The following SGCA variants were observed in gnomAD, a reference collection of about 807,000 sequenced individuals.
SGCA encodes alpha-sarcoglycan.
SGCA carries 34 observed loss-of-function variants against 38.1 expected under a neutral mutation model. That is an observed-to-expected ratio of 0.89 (90% CI 0.68 to 1.19). The LOEUF is 1.19. Among genes scored for constraint, SGCA ranks in the 50% most tolerant of loss-of-function variants. SGCA has a pLI of 0.00. For missense variants in SGCA, 476 were observed against 524.9 expected, an observed-to-expected ratio of 0.91 and a Z score of 0.91; for synonymous variants, 209 against 214.6, an observed-to-expected ratio of 0.97 and a Z score of 0.23.
rs1241612433 is a variant in SGCA, at chr17:50,170,126, C to T, written c.748-17C>T. On this transcript the variant is annotated splice_polypyrimidine_tract_variant and intron_variant, in intron 6 of 9. Transcript: ENST00000262018. ...CAGCCAGCCACTTCCTGCGTCAGCCCTGAGCTCTCTGTGCAGGTGGATAAG... is the reference window on the plus strand; with the variant it reads ...CAGCCAGCCACTTCCTGCGTCAGCCTTGAGCTCTCTGTGCAGGTGGATAAG... 12 of 1,612,358 alleles carry T rather than the reference C, an allele frequency of 7.4e-6. No homozygotes were observed. The highest frequency in any genetic ancestry group is 9.3e-6 in the Non-Finnish European group (11 of 1,178,572).
At position 50,168,340 on chromosome 17, in the gene SGCA, G is replaced by A. The variant is rs931142148; in HGVS notation, c.386-34G>A. 8 of 1,539,010 alleles carry A rather than the reference G, an allele frequency of 5.2e-6. No homozygotes were observed. The African/African-American group carries it at 9.6e-5, about 18-fold the overall frequency. The stretch of plus-strand genomic sequence containing the variant: ...GCTTTGCGGGGCAGAGCTGGGGCTG[G>A]GTGCAGCCTGAGGTGTCCACCTGGC... On this transcript the variant is annotated intron_variant, in intron 4 of 9. Transcript: ENST00000262018.
Position 50,166,020 on chromosome 17 carries a change from G to T in SGCA, c.-21G>T, listed in dbSNP as rs748232461. 3.7e-6 allele frequency: 6 copies of T among 1,610,880 alleles called. No individual in the cohort carries two copies. Among genetic ancestry groups the T allele is most frequent in the Middle Eastern group, 1.7e-4 (1 of 5,828 alleles). ...TGCCCCCTGTCTCTGTCACTCACCG[G>T]GCGGGCCAGGCCGGGCAGCCATGGC... is the stretch of plus-strand genomic sequence containing the variant. On this transcript the variant is annotated 5_prime_UTR_variant, in exon 1 of 10. Coordinates refer to ENST00000262018, the MANE Select transcript of SGCA (RefSeq NM_000023.4).
rs1280191798 is a variant in SGCA, at chr17:50,166,753, ACACCCTCACACACACACCCT to A, written c.38-611_38-592del. Among the ~76,000 whole-genome samples the A allele has an allele frequency of 3.1e-3, 338 of 108,124 alleles. 4 individuals carry two copies. Among genetic ancestry groups the A allele is most frequent in the African/African-American group, 9.3e-3 (240 of 25,698 alleles). 70.9% of individuals were successfully genotyped at this position (108,124 alleles called of 152,430 possible). ...CACACACACCCTCACACACCCTCACACACCCTCACACACACACCCTCACACACCCTCACACACCCTCACAC... is the reference window on the plus strand; with the variant it reads ...CACACACACCCTCACACACCCTCACACACACACCCTCACACACCCTCACAC... On this transcript the variant is annotated intron_variant, in intron 1 of 9. Transcript: ENST00000262018.
In SGCA at chr17:50,170,476, T is replaced by G. The variant is rs1199002973; in HGVS notation, c.956+125T>G. 3.7e-6 allele frequency: 5 copies of G among 1,348,376 alleles called. No individual in the cohort carries two copies. The African/African-American group carries it at 7.3e-5, about 20-fold the overall frequency. 83.5% of individuals were successfully genotyped at this position (1,348,376 alleles called of 1,614,324 possible). On this transcript the variant is annotated intron_variant, in intron 7 of 9. Coordinates refer to ENST00000262018, the MANE Select transcript of SGCA (RefSeq NM_000023.4). Reference sequence around the variant, plus strand: ...ATGGGGTTCTCAGGCACAAAAGGAGTGTGGGGCCCCTTTCTAGGCAACTTG... The same window carrying G: ...ATGGGGTTCTCAGGCACAAAAGGAGGGTGGGGCCCCTTTCTAGGCAACTTG...
chr17:50,174,599 G>A (rs1331001243), intron 8 of SGCA, among the ~76,000 whole-genome samples: 4 of 151,910 alleles, frequency 2.6e-5, no homozygotes, highest in South Asian at 4.2e-4. Context: ...CACCCGCTTC[G>A]GCCTCCCGAA....
chr17:50,168,409 C>A lies in SGCA; in HGVS notation c.421C>A (p.Arg141Ser), dbSNP rs35130237. 1,292 of 1,589,732 alleles carry A rather than the reference C, an allele frequency of 8.1e-4. 4 individuals are homozygous for A. Among genetic ancestry groups the A allele is most frequent in the Middle Eastern group, 2.5e-3 (15 of 5,936 alleles). ...GCCATACCAAGCCGAGTTCCTGGTG[C>A]GCAGCCACGATGCGGAGGAGGTGCT... The part of the protein sequence containing the change: ...LLPYQAEFLV[R>S]SHDAEEVLPS... The change falls in exon 5 of 10, where the codon CGC (arginine) becomes AGC (serine). Residue 141 changes from arginine (R) to serine (S), a missense_variant. Coordinates refer to ENST00000262018, the MANE Select transcript of SGCA (RefSeq NM_000023.4).
intron 8 of SGCA, among the ~76,000 whole-genome samples, chr17:50,171,180 G>A (rs1407389930): frequency 3.3e-5 from 5 of 152,172 alleles, no homozygotes; most frequent in South Asian, 2.1e-4. Context: ...AGACACCTGC[G>A]GTCCAGGCCA....
In SGCA at chr17:50,174,878, C is replaced by G. The variant is rs2696289; in HGVS notation, c.984-379C>G. ...TGCGATCTCAGCTCACTGCAACCTC[C>G]GCCTCCCAGGTTCAAGTGAATCTCC... On this transcript the variant is annotated intron_variant, in intron 8 of 9. Coordinates refer to ENST00000262018, the MANE Select transcript of SGCA (RefSeq NM_000023.4). 4.6e-5 allele frequency among the ~76,000 whole-genome samples: 7 copies of G among 151,906 alleles called. No individual in the cohort carries two copies. The East Asian group carries it at 1.4e-3, about 29-fold the overall frequency.
intron 4 of SGCA, 114 bp from the exon 5 acceptor site, chr17:50,168,260 G>C: frequency 2.2e-6 from 2 of 928,008 alleles, no homozygotes; most frequent in South Asian, 2.8e-5. Context: ...GTGATGGATG[G>C]GGCATTGAGG....
Position 50,175,693 on chromosome 17 carries a change from C to G in SGCA, c.*13-19C>G, listed in dbSNP as rs749332693. Reference sequence around the variant, plus strand: ...ACCAGCATCTGGCCCTCTCAGCCCTCCACTCTCTCTTCCCACAGTGGTTCC... The same window carrying G: ...ACCAGCATCTGGCCCTCTCAGCCCTGCACTCTCTCTTCCCACAGTGGTTCC... On this transcript the variant is annotated intron_variant, in intron 9 of 9. Transcript: ENST00000262018. The G allele has an allele frequency of 1.5e-5, 10 of 659,630 alleles. No individual in the cohort carries two copies. Among genetic ancestry groups the G allele is most frequent in the Admixed American group, 2.1e-5 (1 of 48,558 alleles). 40.9% of individuals were successfully genotyped at this position (659,630 alleles called of 1,614,324 possible).
Position 50,175,783 on chromosome 17 carries a change from G to T in SGCA, c.*84G>T, listed in dbSNP as rs1456194007. Reference sequence around the variant, plus strand: ...CCACGAGTGGCACATCCCACCTGCTGATTCCAGCTCCTGGCCCTCCTGGAA... The same window carrying T: ...CCACGAGTGGCACATCCCACCTGCTTATTCCAGCTCCTGGCCCTCCTGGAA... On this transcript the variant is annotated 3_prime_UTR_variant, in exon 10 of 10. Transcript: ENST00000262018. 5.7e-6 allele frequency: 3 copies of T among 522,884 alleles called. No homozygotes were observed. The highest frequency in any genetic ancestry group is 1.1e-5 in the Non-Finnish European group (3 of 270,290). The allele number at this position is 522,884 out of a possible 1,614,324, so 32.4% of individuals were successfully genotyped here.
At chr17:50,174,498 T>C (rs1598276782) in intron 8 of SGCA, among the ~76,000 whole-genome samples, 2 of 149,424 alleles carry the variant, frequency 1.3e-5, no homozygotes, top group Admixed American at 1.3e-4. Context: ...ACAGCAGTCC[T>C]AGGAGGTAGG....
At chr17:50,166,562 T>A (rs1904818857) in intron 1 of SGCA, among the ~76,000 whole-genome samples, 1 of 151,836 alleles carries the variant, frequency 6.6e-6, no homozygotes, top group African/African-American at 2.4e-5. Context: ...ATGGCTACCC[T>A]TCCTCCTCTG....
intron 8 of SGCA, among the ~76,000 whole-genome samples, chr17:50,174,460 C>T (rs1413597065): frequency 6.6e-6 from 1 of 151,960 alleles, no homozygotes; most frequent in African/African-American, 2.4e-5. Flanking sequence ...GTTGTAAACA[C>T]TCAGCCACAT....
rs745447270 is a variant in SGCA at position 50,167,477 on chromosome 17, T to C, written c.147T>C (p.Pro49=). 1 of 1,614,052 alleles carries C rather than the reference T, an allele frequency of 6.2e-7. No individual in the cohort carries two copies. Among genetic ancestry groups the C allele is most frequent in the Admixed American group, 1.7e-5 (1 of 60,004 alleles). Residue 49 remains proline, a synonymous_variant, in exon 2 of 10, where the codon CCT becomes CCC. Coordinates refer to ENST00000262018, the MANE Select transcript of SGCA (RefSeq NM_000023.4). The surrounding 1 kb of genome is among the most constrained non-coding windows in gnomAD (Gnocchi z 4.5). ...TLDHETFLSL[P]EHVAVPPAVH... ...ACCATGAGACGTTTCTGAGCCTTCC[T>C]GAGCATGTCGGTGAGCGGCCTGACA...
At chr17:50,174,032 T>G (rs1905711535) in intron 8 of SGCA, among the ~76,000 whole-genome samples, 3 of 151,924 alleles carry the variant, frequency 2.0e-5, no homozygotes, top group Admixed American at 2.0e-4. Flanking sequence ...AGAAAACCAA[T>G]TCTTGGCTGG....
chr17:50,171,875 T>G (rs1374837520), intron 8 of SGCA: 7 of 456,648 alleles, frequency 1.5e-5, no homozygotes, highest in Non-Finnish European at 3.1e-5. Flanking sequence ...CAGGATCACC[T>G]TGGACGTGCT....
chr17:50,166,639 G>A (rs1425197755), intron 1 of SGCA, among the ~76,000 whole-genome samples: 2 of 151,342 alleles, frequency 1.3e-5, no homozygotes, highest in African/African-American at 4.9e-5. Flanking sequence ...TCTTTTCCCA[G>A]TGCCTTTCAC....
Position 50,172,189 on chromosome 17 carries a change from G to C in SGCA, c.983+1523G>C, listed in dbSNP as rs146576503. 3.3e-4 allele frequency: 150 copies of C among 457,100 alleles called. 2 individuals are homozygous for C. In the East Asian group the frequency reaches 8.1e-3, roughly 25 times the overall value. The allele number at this position is 457,100 out of a possible 1,614,324, so 28.3% of individuals were successfully genotyped here. ...GCCCTCACCTTTACCTGTGTGGCCAGAAAGAGGATCAAGGACGGTCACCCA... is the reference window on the plus strand; with the variant it reads ...GCCCTCACCTTTACCTGTGTGGCCACAAAGAGGATCAAGGACGGTCACCCA... On this transcript the variant is annotated intron_variant, in intron 8 of 9. Transcript: ENST00000262018.
Sources: gnomAD v4.1 joint callset for allele counts (sites outside exome capture counted in the v4.1 genomes callset) on GRCh38, gnomAD v4.1.1 for gene constraint, Gnocchi (gnomAD v3.1) non-coding constraint, MANE v1.5 for transcripts, NCBI Gene and HGNC (gene_info 2026-07-23, HGNC 2026-07-21) for gene names.